Variants in CLNK observed in about 807,000 individuals in gnomAD.
CLNK encodes the protein cytokine dependent hematopoietic cell linker.
CLNK carries 74 observed loss-of-function variants against 68.6 expected under a neutral mutation model. That is an observed-to-expected ratio of 1.08 (90% CI 0.89 to 1.31). The LOEUF is 1.31. Ranked by LOEUF, CLNK falls within the 50% of genes most tolerant of loss-of-function variation. The probability of loss-of-function intolerance (pLI) is 0.00; values close to 1 mark genes in which losing one functional copy is unlikely to be tolerated. For synonymous variants in CLNK, 198 were observed against 172.2 expected, an observed-to-expected ratio of 1.15 and a Z score of -1.17; for missense variants, 553 against 515.3, an observed-to-expected ratio of 1.07 and a Z score of -0.71.
intron 4 of CLNK, among the ~76,000 whole-genome samples, chr4:10,572,647 G>A (rs1033273210): frequency 6.6e-6 from 1 of 152,194 alleles, no homozygotes; most frequent in Non-Finnish European, 1.5e-5. Context: ...AGCAGAAGCT[G>A]CATGCTTCCT....
chr4:10,503,526 T>C (rs1717146005), intron 17 of CLNK, among the ~76,000 whole-genome samples: 1 of 148,616 alleles, frequency 6.7e-6, no homozygotes, highest in African/African-American at 2.4e-5. Flanking sequence ...AATAATAAAT[T>C]ATGATATATA....
intron 2 of CLNK, among the ~76,000 whole-genome samples, chr4:10,667,225 A>T (rs1043557248): frequency 6.6e-6 from 1 of 152,178 alleles, no homozygotes; most frequent in Non-Finnish European, 1.5e-5. Flanking sequence ...CACACCAAAG[A>T]GGAATAACAA....
intron 2 of CLNK, among the ~76,000 whole-genome samples, chr4:10,611,596 C>A (rs1722028677): frequency 6.6e-6 from 1 of 152,224 alleles, no homozygotes; most frequent in East Asian, 1.9e-4. Flanking sequence ...GAAGGAGCCC[C>A]CCAGGAAAAT....
chr4:10,498,449 G>T (rs1473140581), intron 18 of CLNK, among the ~76,000 whole-genome samples: 1 of 152,138 alleles, frequency 6.6e-6, no homozygotes, highest in Non-Finnish European at 1.5e-5. Context: ...CCGAGATCGC[G>T]CCACTGCACT....
the CLNK span, among the ~76,000 whole-genome samples, chr4:10,703,720 T>C: frequency 2.0e-5 from 3 of 152,172 alleles, no homozygotes; most frequent in African/African-American, 7.2e-5. Context: ...ATATATAGAG[T>C]ATAGCCTATT....
chr4:10,670,721 T>C (rs533048063), intron 1 of CLNK, among the ~76,000 whole-genome samples: 178 of 151,698 alleles, frequency 1.2e-3, no homozygotes, highest in Non-Finnish European at 1.6e-3. Context: ...TAAAAAAAAA[T>C]ACAATCCATC....
intron 2 of CLNK, among the ~76,000 whole-genome samples, chr4:10,610,591 T>C (rs1721976446): frequency 6.6e-6 from 1 of 152,174 alleles, no homozygotes; most frequent in African/African-American, 2.4e-5. Context: ...TTTTTTTCTC[T>C]GTCTCGACTG....
At chr4:10,691,881 T>C in the CLNK span, among the ~76,000 whole-genome samples, 151 of 152,250 alleles carry the variant, frequency 9.9e-4, no homozygotes, top group African/African-American at 3.5e-3. Context: ...GTACATGTGA[T>C]TATTAATCTA....
intron 3 of CLNK, among the ~76,000 whole-genome samples, chr4:10,590,945 G>A (rs11938323): frequency 0.017 from 2,643 of 152,146 alleles, 86 homozygotes; most frequent in African/African-American, 0.06. Flanking sequence ...CACCATAAAC[G>A]AACCCTTTAA....
intron 2 of CLNK, among the ~76,000 whole-genome samples, chr4:10,642,677 TA>T (rs1305411868): frequency 2.6e-5 from 4 of 152,080 alleles, no homozygotes; most frequent in Non-Finnish European, 5.9e-5. Flanking sequence ...GGGGGAAAAA[TA>T]AAACAATGTA....
chr4:10,495,807 A>G (rs969201158), intron 18 of CLNK, among the ~76,000 whole-genome samples: 2 of 143,594 alleles, frequency 1.4e-5, no homozygotes, highest in African/African-American at 5.3e-5. Context: ...AGCGATGAGG[A>G]GAAGGTCACG....
At chr4:10,640,592 C>A (rs1723272683) in intron 2 of CLNK, among the ~76,000 whole-genome samples, 1 of 152,232 alleles carries the variant, frequency 6.6e-6, no homozygotes, top group Non-Finnish European at 1.5e-5. Flanking sequence ...ATTAAGGAAA[C>A]CGCATGAACA....
chr4:10,657,454 C>T (rs1724030577), intron 2 of CLNK, among the ~76,000 whole-genome samples: 1 of 152,024 alleles, frequency 6.6e-6, no homozygotes, highest in South Asian at 2.1e-4. Flanking sequence ...TATAAGTATT[C>T]CTTTGTATCT....
chr4:10,662,004 C>T (rs73103714), intron 2 of CLNK, among the ~76,000 whole-genome samples: 166 of 152,178 alleles, frequency 1.1e-3, no homozygotes, highest in African/African-American at 3.9e-3. Flanking sequence ...AAACTCTTTC[C>T]AAAACAAGCA....
At chr4:10,719,782 C>G in the CLNK span, among the ~76,000 whole-genome samples, 3 of 152,076 alleles carry the variant, frequency 2.0e-5, no homozygotes, top group African/African-American at 7.2e-5. Context: ...TCTCAAGTGT[C>G]CATAGAACAT....
At chr4:10,519,576 A>G (rs1402971833) in intron 15 of CLNK, among the ~76,000 whole-genome samples, 3 of 152,192 alleles carry the variant, frequency 2.0e-5, no homozygotes, top group Non-Finnish European at 4.4e-5. Context: ...TTTTAAATAA[A>G]GGAATCTTCT....
rs985603911 is a variant in CLNK at position 10,592,771 on chromosome 4, G to A, written c.83+5207C>T. On this transcript the variant is annotated intron_variant, in intron 3 of 18. Transcript: ENST00000226951. ...GGCAGAGTCTCACTCTGTCGCCCAG[G>A]TTGGAGTGCAGTGAGGTGATGTCAG... Among the ~76,000 whole-genome samples, 4 of 151,980 alleles carry A rather than the reference G, an allele frequency of 2.6e-5. No individual in the cohort carries two copies. The South Asian group carries it at 8.3e-4, about 32-fold the overall frequency.
At chr4:10,544,288 C>G (rs1459816889) in intron 8 of CLNK, among the ~76,000 whole-genome samples, 1 of 152,184 alleles carries the variant, frequency 6.6e-6, no homozygotes, top group East Asian at 1.9e-4. Flanking sequence ...AATAGGACAT[C>G]TATCTTCTTT....
intron 2 of CLNK, among the ~76,000 whole-genome samples, chr4:10,641,069 G>T (rs1299108892): frequency 6.6e-6 from 1 of 152,128 alleles, no homozygotes; most frequent in Admixed American, 6.6e-5. Flanking sequence ...TTTTGCCTTG[G>T]GTGTGTTTTA....
Sources: gnomAD v4.1 joint callset for allele counts (sites outside exome capture counted in the v4.1 genomes callset) on GRCh38, gnomAD v4.1.1 for gene constraint, MANE v1.5 for transcripts, NCBI Gene and HGNC (gene_info 2026-07-23, HGNC 2026-07-21) for gene names.